GPC4: variants seen among roughly 807,000 people sequenced by gnomAD.
GPC4 encodes the protein glypican-4.
Under a neutral mutation model 35.0 loss-of-function variants are expected in GPC4, and 10 were observed. The ratio of observed to expected loss-of-function variants is 0.29; its 90% CI spans 0.18 to 0.48. The LOEUF (loss-of-function observed/expected upper bound fraction) is 0.48. Ranked by LOEUF, GPC4 falls within the 20% of genes least tolerant of loss-of-function variation. The probability of loss-of-function intolerance (pLI) is 0.99; values close to 1 mark genes in which losing one functional copy is unlikely to be tolerated. For synonymous variants in GPC4, 167 were observed against 170.2 expected (o/e 0.98, Z 0.15); for missense variants, 322 against 451.3 (o/e 0.71, Z 2.60).
At chrX:133,375,678 T>C (rs1038595815) in intron 1 of GPC4, among the ~76,000 whole-genome samples, 4 of 112,072 alleles carry the variant, frequency 3.6e-5, no homozygotes, top group African/African-American at 1.3e-4. Flanking sequence ...AGCCTCCTCC[T>C]TTCTTTTTCT....
At chrX:133,378,334 G>A (rs769711134) in intron 1 of GPC4, among the ~76,000 whole-genome samples, 5 of 110,798 alleles carry the variant, frequency 4.5e-5, no homozygotes, top group Admixed American at 9.6e-5. Flanking sequence ...TTGAGAGGCC[G>A]AGGTGGGTGG....
intron 1 of GPC4, among the ~76,000 whole-genome samples, chrX:133,349,067 C>T (rs1394008693): frequency 8.9e-6 from 1 of 112,317 alleles, no homozygotes; most frequent in Admixed American, 9.4e-5. Flanking sequence ...GAACCTGTAT[C>T]CCCAAGCCAC....
intron 1 of GPC4, among the ~76,000 whole-genome samples, chrX:133,356,084 A>G (rs1367370657): frequency 1.8e-5 from 2 of 111,500 alleles, no homozygotes; most frequent in Non-Finnish European, 3.8e-5. Context: ...TCAAGAACCA[A>G]GAATTTTAGG....
intron 1 of GPC4, among the ~76,000 whole-genome samples, chrX:133,349,557 C>G (rs1273993225): frequency 1.8e-5 from 2 of 112,315 alleles, no homozygotes; most frequent in African/African-American, 6.5e-5. Flanking sequence ...CAGACACCTG[C>G]TCTAATTGAA....
At chrX:133,343,439 G>A (rs766140942) in intron 1 of GPC4, among the ~76,000 whole-genome samples, 1 of 111,840 alleles carries the variant, frequency 8.9e-6, no homozygotes, top group South Asian at 3.8e-4. Context: ...CTTAAGTGGT[G>A]CATAATATGA....
At chrX:133,304,237 T>C (rs942426168) in intron 7 of GPC4, among the ~76,000 whole-genome samples, 2 of 109,587 alleles carry the variant, frequency 1.8e-5, no homozygotes, top group African/African-American at 6.7e-5. Context: ...GAGGTGGAGG[T>C]TGCAGTGAGC....
chrX:133,412,858 T>G (rs2068818696), intron 1 of GPC4, among the ~76,000 whole-genome samples: 1 of 112,111 alleles, frequency 8.9e-6, no homozygotes, highest in Non-Finnish European at 1.9e-5. Context: ...CAGAGCAAAG[T>G]TGGGGAAACT....
At chrX:133,340,597 C>T (rs954469131) in intron 1 of GPC4, among the ~76,000 whole-genome samples, 2 of 111,851 alleles carry the variant, frequency 1.8e-5, no homozygotes, top group African/African-American at 3.3e-5. Context: ...TCATGGAAAA[C>T]GAAATGGTCC....
intron 1 of GPC4, among the ~76,000 whole-genome samples, chrX:133,377,227 T>C (rs1318011350): frequency 2.7e-5 from 3 of 111,760 alleles, no homozygotes. Context: ...CTGGAGAGAA[T>C]TTCAAGGGGG....
chrX:133,414,489 TC>T, intron 1 of GPC4: 1 of 753,188 alleles, frequency 1.3e-6, no homozygotes, highest in Non-Finnish European at 1.6e-6. Context: ...CTCAGGGGCT[TC>T]CCGGGACGGC....
At chrX:133,330,539 G>C (rs1486090902) in intron 2 of GPC4, among the ~76,000 whole-genome samples, 1 of 111,087 alleles carries the variant, frequency 9.0e-6, no homozygotes, top group African/African-American at 3.3e-5. Context: ...TTTTTAAACA[G>C]GCATTTTTTT....
intron 2 of GPC4, among the ~76,000 whole-genome samples, chrX:133,334,425 C>G (rs749886849): frequency 8.9e-6 from 1 of 111,773 alleles, no homozygotes; most frequent in South Asian, 3.7e-4. Flanking sequence ...TTCAAGTTAA[C>G]AAGCTTCAGG....
intron 1 of GPC4, among the ~76,000 whole-genome samples, chrX:133,356,910 TCTAA>T (rs2068543978): frequency 9.0e-6 from 1 of 111,248 alleles, no homozygotes; most frequent in Admixed American, 9.6e-5. Context: ...TGATTTACTA[TCTAA>T]CTACATACTG....
At position 133,302,279 on chromosome X, in the gene GPC4, T is replaced by C. The variant is rs2068269990; in HGVS notation, c.*588A>G. 8.9e-6 allele frequency: 1 copy of C among 112,238 alleles called. No individual in the cohort carries two copies. The highest frequency in any genetic ancestry group is 3.8e-4 in the South Asian group (1 of 2,649). 9.2% of individuals were successfully genotyped at this position (112,238 alleles called of 1,213,427 possible). A position where few individuals can be genotyped will look rare whatever the true frequency, so the allele number is the denominator to read the frequency against. On this transcript the variant is annotated 3_prime_UTR_variant, in exon 9 of 9. Coordinates refer to ENST00000370828, the MANE Select transcript of GPC4 (RefSeq NM_001448.3). ...CTGACAAGTGGCTCAGAAGCCTGCT[T>C]GTGCCCTCACATTCTGTCTTAATAA...
At chrX:133,334,906 A>T (rs1435581225) in intron 2 of GPC4, among the ~76,000 whole-genome samples, 1 of 112,441 alleles carries the variant, frequency 8.9e-6, no homozygotes, top group Admixed American at 9.4e-5. Context: ...TAGCTGTAAC[A>T]TCATTTTTAC....
intron 1 of GPC4, among the ~76,000 whole-genome samples, chrX:133,365,331 T>C (rs963194154): frequency 5.4e-5 from 6 of 111,895 alleles, no homozygotes; most frequent in African/African-American, 1.6e-4. Context: ...TTTCTTTTCT[T>C]TCTCTAGTCA....
chrX:133,412,054 T>A (rs934681289), intron 1 of GPC4, among the ~76,000 whole-genome samples: 1 of 111,934 alleles, frequency 8.9e-6, no homozygotes, highest in African/African-American at 3.3e-5. Context: ...TGGGGCTCAA[T>A]GAGCTAGGTA....
chrX:133,338,036 T>C (rs141912325), intron 2 of GPC4, among the ~76,000 whole-genome samples: 1 of 110,191 alleles, frequency 9.1e-6, no homozygotes, highest in Non-Finnish European at 1.9e-5. Context: ...AACTACATTA[T>C]AGATTAAATA....
At chrX:133,365,753 C>A (rs1257595190) in intron 1 of GPC4, among the ~76,000 whole-genome samples, 2 of 112,465 alleles carry the variant, frequency 1.8e-5, no homozygotes, top group East Asian at 2.8e-4. Flanking sequence ...AAGATCTAAA[C>A]CTGCAGACTG....
Sources: allele counts gnomAD v4.1 joint callset (sites outside exome capture counted in the v4.1 genomes callset), GRCh38; gene constraint gnomAD v4.1.1; transcripts MANE v1.5; gene names NCBI Gene and HGNC (gene_info 2026-07-23, HGNC 2026-07-21).